CDC42SE2: variants seen among roughly 807,000 people sequenced by gnomAD.
CDC42SE2 encodes CDC42 small effector 2, also known as CDC42 small effector protein 2.
In CDC42SE2, 3 loss-of-function variants were observed where a neutral mutation model predicts 11.5. That is an observed-to-expected ratio of 0.26 (90% CI 0.12 to 0.67). CDC42SE2 has a LOEUF of 0.67. Among genes scored for constraint, CDC42SE2 ranks in the 30% least tolerant of loss-of-function variants. CDC42SE2 has a pLI of 0.80. For synonymous variants in CDC42SE2, 33 were observed against 34.8 expected, an observed-to-expected ratio of 0.95 and a Z score of 0.18; for missense variants, 82 against 106.8, an observed-to-expected ratio of 0.77 and a Z score of 1.02.
chr5:131,383,291 T>C (rs1020915019), intron 3 of CDC42SE2, among the ~76,000 whole-genome samples: 14 of 152,244 alleles, frequency 9.2e-5, no homozygotes, highest in Admixed American at 4.6e-4. Context: ...TGCTAGGAAA[T>C]AGAAAAATTA....
chr5:131,309,820 A>G (rs1308152823), intron 1 of CDC42SE2, among the ~76,000 whole-genome samples: 6 of 151,974 alleles, frequency 3.9e-5, no homozygotes, highest in Admixed American at 3.3e-4. Context: ...TATTGGGTCT[A>G]TTTGATTCTT....
intron 1 of CDC42SE2, among the ~76,000 whole-genome samples, chr5:131,270,902 A>G (rs1380137798): frequency 6.6e-6 from 1 of 151,952 alleles, no homozygotes; most frequent in Non-Finnish European, 1.5e-5. Context: ...TGGTATTCCT[A>G]CCACTTCAGG....
the CDC42SE2 span, among the ~76,000 whole-genome samples, chr5:131,229,063 G>A: frequency 6.6e-6 from 1 of 152,204 alleles, no homozygotes; most frequent in Non-Finnish European, 1.5e-5. Flanking sequence ...TGAAGTCCCA[G>A]AATGCTACTG....
intron 2 of CDC42SE2, among the ~76,000 whole-genome samples, chr5:131,336,141 G>A (rs1758555106): frequency 1.3e-5 from 2 of 152,190 alleles, no homozygotes; most frequent in Admixed American, 1.3e-4. Context: ...GCTTCCTTCA[G>A]GAGCTCTTTT....
chr5:131,250,593 G>T (rs1756631762), intron 1 of CDC42SE2, among the ~76,000 whole-genome samples: 1 of 152,128 alleles, frequency 6.6e-6, no homozygotes, highest in Non-Finnish European at 1.5e-5. Context: ...AGGTGGGAAG[G>T]TGAAAAAGAA....
upstream of CDC42SE2, among the ~76,000 whole-genome samples, chr5:131,240,949 GTTTTGTTTTTGT>G (rs71000979): frequency 0.029 from 4,260 of 149,210 alleles, 145 homozygotes; most frequent in East Asian, 0.089. Context: ...GGTTTTATGG[GTTTTGTTTTTGT>G]TTTTGTTTTT....
chr5:131,343,681 C>A (rs1758765848), intron 2 of CDC42SE2, among the ~76,000 whole-genome samples: 2 of 149,444 alleles, frequency 1.3e-5, no homozygotes, highest in Non-Finnish European at 3.0e-5. Context: ...CCATTGCATT[C>A]CAGCCTGGGC....
At chr5:131,356,829 G>A (rs1382606791) in intron 2 of CDC42SE2, among the ~76,000 whole-genome samples, 1 of 152,056 alleles carries the variant, frequency 6.6e-6, no homozygotes, top group East Asian at 1.9e-4. Flanking sequence ...GATCACCTGA[G>A]CTCAGAAAGT....
the CDC42SE2 span, among the ~76,000 whole-genome samples, chr5:131,234,363 C>T: frequency 2.0e-5 from 3 of 152,140 alleles, no homozygotes; most frequent in Non-Finnish European, 4.4e-5. Context: ...ATAGGCCGGG[C>T]GCAGTGGCTC....
the CDC42SE2 span, among the ~76,000 whole-genome samples, chr5:131,215,190 C>T: frequency 1.3e-5 from 2 of 152,212 alleles, no homozygotes; most frequent in East Asian, 3.8e-4. Context: ...GAATTCTAGT[C>T]ACAGCTGTGT....
intron 2 of CDC42SE2, among the ~76,000 whole-genome samples, chr5:131,317,028 G>A (rs1480029008): frequency 6.6e-6 from 1 of 152,052 alleles, no homozygotes; most frequent in Non-Finnish European, 1.5e-5. Context: ...TCTTAATGAT[G>A]TCATCAATAC....
chr5:131,333,029 A>G (rs963130061), intron 2 of CDC42SE2, among the ~76,000 whole-genome samples: 8 of 152,202 alleles, frequency 5.3e-5, no homozygotes, highest in Admixed American at 4.6e-4. Flanking sequence ...TGTTTTAGAC[A>G]TGAAGTCCTT....
At chr5:131,277,327 G>A (rs571592248) in intron 1 of CDC42SE2, among the ~76,000 whole-genome samples, 1 of 152,198 alleles carries the variant, frequency 6.6e-6, no homozygotes, top group East Asian at 1.9e-4. Flanking sequence ...ACTTCATAAT[G>A]TTCTGTTTAG....
chr5:131,225,784 G>A, the CDC42SE2 span, among the ~76,000 whole-genome samples: 4 of 152,000 alleles, frequency 2.6e-5, no homozygotes, highest in Non-Finnish European at 5.9e-5. Flanking sequence ...ATCACAGCAG[G>A]CCTCAGGAGG....
intron 3 of CDC42SE2, among the ~76,000 whole-genome samples, chr5:131,382,139 A>G (rs557814829): frequency 6.6e-6 from 1 of 152,340 alleles, no homozygotes; most frequent in African/African-American, 2.4e-5. Context: ...TCACATTCAT[A>G]TATATTAGTT....
intron 2 of CDC42SE2, among the ~76,000 whole-genome samples, chr5:131,335,907 C>T (rs1406853224): frequency 1.3e-5 from 2 of 152,176 alleles, no homozygotes; most frequent in Non-Finnish European, 2.9e-5. Context: ...ACTGACGGGT[C>T]TTGACTCTTT....
At chr5:131,275,529 A>G (rs534964036) in intron 1 of CDC42SE2, among the ~76,000 whole-genome samples, 1 of 152,134 alleles carries the variant, frequency 6.6e-6, no homozygotes, top group East Asian at 1.9e-4. Context: ...CCTGACCTCA[A>G]GTGATCCACC....
chr5:131,373,561 G>A (rs1290870765), intron 3 of CDC42SE2, among the ~76,000 whole-genome samples: 1 of 152,180 alleles, frequency 6.6e-6, no homozygotes, highest in Non-Finnish European at 1.5e-5. Context: ...CTCACCATCT[G>A]ATCACTGTTC....
At chr5:131,342,878 A>G (rs1467143259) in intron 2 of CDC42SE2, among the ~76,000 whole-genome samples, 3 of 151,576 alleles carry the variant, frequency 2.0e-5, no homozygotes, top group Admixed American at 2.0e-4. Flanking sequence ...ACACCTGGCG[A>G]ATGTTTGTAT....
Sources: gnomAD v4.1 joint callset for allele counts (sites outside exome capture counted in the v4.1 genomes callset) on GRCh38, gnomAD v4.1.1 for gene constraint, MANE v1.5 for transcripts, NCBI Gene and HGNC (gene_info 2026-07-23, HGNC 2026-07-21) for gene names.